The following CFAP20DC variants were observed in gnomAD, a reference collection of about 807,000 sequenced individuals.
CFAP20DC encodes CFAP20 domain containing, also known as protein CFAP20DC.
CFAP20DC carries 84 observed loss-of-function variants against 101.7 expected under a neutral mutation model. The ratio of observed to expected loss-of-function variants is 0.83; its 90% CI spans 0.69 to 0.99. CFAP20DC has a LOEUF of 0.99. Ranked by LOEUF, CFAP20DC falls within the 50% of genes least tolerant of loss-of-function variation. The pLI is 0.00. For synonymous variants in CFAP20DC, 359 were observed against 351.2 expected, an observed-to-expected ratio of 1.02 and a Z score of -0.25; for missense variants, 1,007 against 970.3, an observed-to-expected ratio of 1.04 and a Z score of -0.50.
chr3:58,954,786 A>G (rs2090471209), intron 4 of CFAP20DC, among the ~76,000 whole-genome samples: 1 of 152,138 alleles, frequency 6.6e-6, no homozygotes, highest in African/African-American at 2.4e-5. Context: ...AATACACTGT[A>G]GCTCATTTCT....
intron 7 of CFAP20DC, among the ~76,000 whole-genome samples, chr3:58,881,650 C>T (rs1343219425): frequency 6.6e-6 from 1 of 152,182 alleles, no homozygotes; most frequent in African/African-American, 2.4e-5. Flanking sequence ...AAAACAGCTA[C>T]TTCTTTCTCC....
chr3:58,932,442 A>G (rs9857147), intron 5 of CFAP20DC, among the ~76,000 whole-genome samples: 14,729 of 151,516 alleles, frequency 0.097, 2,369 homozygotes, highest in African/African-American at 0.34. Context: ...GATACTCCTC[A>G]AGAAGAGCAA....
chr3:59,010,201 C>G (rs896230735), intron 4 of CFAP20DC, among the ~76,000 whole-genome samples: 1 of 152,038 alleles, frequency 6.6e-6, no homozygotes, highest in African/African-American at 2.4e-5. Context: ...AATAGTACCT[C>G]ACATCTGAAT....
At chr3:59,049,462 TCAA>T (rs1173144701) in intron 1 of CFAP20DC, 146 bp downstream of exon 1, 12 of 816,332 alleles carry the variant, frequency 1.5e-5, no homozygotes, top group Non-Finnish European at 2.2e-5. Flanking sequence ...TCTCTCTGGG[TCAA>T]CAGCATTCAC....
intron 4 of CFAP20DC, among the ~76,000 whole-genome samples, chr3:59,031,786 G>A (rs779914947): frequency 6.6e-6 from 1 of 152,102 alleles, no homozygotes; most frequent in Non-Finnish European, 1.5e-5. Flanking sequence ...TAAATTAAAA[G>A]AAATGAATAT....
At chr3:58,856,333 A>T (rs570924262) in intron 12 of CFAP20DC, among the ~76,000 whole-genome samples, 5 of 150,882 alleles carry the variant, frequency 3.3e-5, no homozygotes, top group African/African-American at 1.2e-4. Flanking sequence ...GGAGATACTT[A>T]TCTTTCAGTG....
intron 4 of CFAP20DC, among the ~76,000 whole-genome samples, chr3:59,022,884 G>C (rs2093827966): frequency 6.6e-6 from 1 of 151,946 alleles, no homozygotes; most frequent in Non-Finnish European, 1.5e-5. Context: ...CTTTAGTATG[G>C]CCTTGAAAAC....
chr3:58,769,419 T>C (rs2070629516), intron 15 of CFAP20DC, among the ~76,000 whole-genome samples: 3 of 152,218 alleles, frequency 2.0e-5, no homozygotes, highest in Non-Finnish European at 4.4e-5. Context: ...TTTGTGTGAC[T>C]GAATCGTGTC....
chr3:58,754,420 C>G (rs1376853828), intron 15 of CFAP20DC, among the ~76,000 whole-genome samples: 1 of 152,166 alleles, frequency 6.6e-6, no homozygotes, highest in East Asian at 1.9e-4. Context: ...CTACTGCACT[C>G]TTCCCCAGTC....
intron 3 of CFAP20DC, among the ~76,000 whole-genome samples, chr3:59,041,106 G>A (rs573929576): frequency 2.2e-4 from 33 of 152,118 alleles, no homozygotes; most frequent in Non-Finnish European, 4.0e-4. Context: ...TGCATTGATT[G>A]GCCCCACAGT....
chr3:58,999,743 T>A (rs548068306), intron 4 of CFAP20DC, among the ~76,000 whole-genome samples: 1 of 150,674 alleles, frequency 6.6e-6, no homozygotes, highest in South Asian at 2.1e-4. Flanking sequence ...AAATTTAGTA[T>A]AGAAATACTA....
rs1425683467 is a variant in CFAP20DC, at chr3:58,722,324, T to G, written c.198-4696A>C. Among the ~76,000 whole-genome samples, 1 of 152,186 alleles carries G rather than the reference T, an allele frequency of 6.6e-6. No individual in the cohort carries two copies. Among genetic ancestry groups the G allele is most frequent in the Admixed American group, 6.5e-5 (1 of 15,282 alleles). ...TGAGTTAAGCTGTCCACGGAACCCA[T>G]GCGTGTACTACTATGGTAGTGGTCT... is the stretch of plus-strand genomic sequence containing the variant. On this transcript the variant is annotated intron_variant, in intron 3 of 3. Coordinates refer to the CFAP20DC transcript ENST00000486145. This position sits in a 1 kb window ranked among gnomAD's most constrained non-coding sequence, Gnocchi z 4.5.
intron 16 of CFAP20DC, among the ~76,000 whole-genome samples, chr3:58,750,127 G>T (rs147976621): frequency 8.9e-4 from 135 of 152,312 alleles, no homozygotes; most frequent in African/African-American, 3.2e-3. Context: ...TGGCTGAGCA[G>T]AAACTGGCTG....
At chr3:58,935,121 T>C (rs765450496) in intron 5 of CFAP20DC, among the ~76,000 whole-genome samples, 5 of 152,186 alleles carry the variant, frequency 3.3e-5, no homozygotes, top group Admixed American at 6.5e-5. Flanking sequence ...CATTCTTATA[T>C]ACCAATAACA....
chr3:58,884,418 C>T, intron 7 of CFAP20DC, 127 bp downstream of exon 7: 2 of 804,782 alleles, frequency 2.5e-6, no homozygotes, highest in Non-Finnish European at 3.9e-6. Context: ...TGGTATGTGG[C>T]AAGTATACTC....
rs889571259 is a variant in CFAP20DC at position 59,007,061 on chromosome 3, C to T, written c.278+32496G>A. 6.6e-5 allele frequency among the ~76,000 whole-genome samples: 10 copies of T among 152,090 alleles called. No homozygotes were observed. The highest frequency in any genetic ancestry group is 2.2e-4 in the African/African-American group (9 of 41,398). ...GTGTGGAGCTGGGTGAGGCCTTTTG[C>T]TACTGGATGTCACCCACTTCCCTGG... is the stretch of plus-strand genomic sequence containing the variant. On this transcript the variant is annotated intron_variant, in intron 4 of 16. Coordinates refer to ENST00000482387, the MANE Select transcript of CFAP20DC (RefSeq NM_001394063.1). The surrounding 1 kb of genome is among the most constrained non-coding windows in gnomAD (Gnocchi z 4.4).
At chr3:58,937,280 T>C (rs1478834361) in intron 5 of CFAP20DC, among the ~76,000 whole-genome samples, 1 of 152,212 alleles carries the variant, frequency 6.6e-6, no homozygotes, top group African/African-American at 2.4e-5. Context: ...CTGGAATGCC[T>C]GGCTTCCTAT....
intron 4 of CFAP20DC, among the ~76,000 whole-genome samples, chr3:58,981,349 A>T (rs2092534677): frequency 6.6e-6 from 1 of 152,106 alleles, no homozygotes; most frequent in Non-Finnish European, 1.5e-5. Flanking sequence ...AGAATTGGAA[A>T]AAACTACTTT....
At chr3:58,723,239 C>A (rs1377874744) in intron 3 of CFAP20DC, among the ~76,000 whole-genome samples, 1 of 152,200 alleles carries the variant, frequency 6.6e-6, no homozygotes, top group Non-Finnish European at 1.5e-5. Context: ...CCCTTGAATG[C>A]TGTAGCAGCA....
Sources: allele counts gnomAD v4.1 joint callset (sites outside exome capture counted in the v4.1 genomes callset), GRCh38; gene constraint gnomAD v4.1.1; non-coding constraint Gnocchi (gnomAD v3.1); transcripts MANE v1.5; gene names NCBI Gene and HGNC (gene_info 2026-07-23, HGNC 2026-07-21).